INTS1: variants seen among roughly 807,000 people sequenced by gnomAD.
INTS1 encodes the protein integrator complex subunit 1.
In INTS1, 137 loss-of-function variants were observed where a neutral mutation model predicts 241.6. That is an observed-to-expected ratio of 0.57 (90% CI 0.49 to 0.65). The LOEUF (loss-of-function observed/expected upper bound fraction) is 0.65, where lower values mean the gene tolerates loss of function less well. Among genes scored for constraint, INTS1 ranks in the 30% least tolerant of loss-of-function variants. The pLI is 0.00. For missense variants in INTS1, 3,073 were observed against 3,032.2 expected (o/e 1.01, Z -0.32); for synonymous variants, 1,692 against 1,337.8 (o/e 1.26, Z -5.78).
At position 1,480,784 on chromosome 7, in the gene INTS1, C is replaced by A. The variant is rs1037089420; in HGVS notation, c.3949+51G>T. 1.8e-5 allele frequency: 26 copies of A among 1,430,096 alleles called. No individual in the cohort carries two copies. In the Admixed American group the frequency reaches 5.0e-4, roughly 27 times the overall value. 88.6% of individuals were successfully genotyped at this position (1,430,096 alleles called of 1,614,324 possible). On this transcript the variant is annotated intron_variant, in intron 29 of 47. Transcript: ENST00000404767. Reference sequence around the variant, plus strand: ...CCCAGGCTGGGTCTCTGTGTTGGCCCCACCCCTCCCCAGGCTGGGTCTCTG... The same window carrying A: ...CCCAGGCTGGGTCTCTGTGTTGGCCACACCCCTCCCCAGGCTGGGTCTCTG...
intron 20 of INTS1, 101 bp from the exon 21 acceptor site, chr7:1,487,202 G>C: frequency 4.0e-6 from 6 of 1,502,008 alleles, no homozygotes; most frequent in South Asian, 3.8e-5. Context: ...ACACGCAGCA[G>C]CCAGCTCATG....
Position 1,476,213 on chromosome 7 carries a change from C to CG in INTS1, c.5378+15dup. 1.9e-6 allele frequency: 3 copies of CG among 1,544,628 alleles called. No individual in the cohort carries two copies. Among genetic ancestry groups the CG allele is most frequent in the East Asian group, 2.4e-5 (1 of 40,960 alleles). On this transcript the variant is annotated intron_variant, in intron 38 of 47. Coordinates refer to ENST00000404767, the MANE Select transcript of INTS1 (RefSeq NM_001080453.3). ...CTCACTCCCAGGCAGCATCTGGGGC[C>CG]GGGGGGCCTGAGCACCTGTCTCCCC...
rs545871067 is a variant in INTS1 at position 1,470,972 on chromosome 7, C to T, written c.6348-17G>A. The T allele has an allele frequency of 6.5e-7, 1 of 1,545,982 alleles. No homozygotes were observed. The highest frequency in any genetic ancestry group is 2.4e-5 in the East Asian group (1 of 40,958). ...GCTGCAATGCTGAAAGACCCACACA[C>T]TTCAGTGGGAACCTCCACCCTGTGC... On this transcript the variant is annotated splice_polypyrimidine_tract_variant and intron_variant, in intron 46 of 47. Transcript: ENST00000404767.
intron 33 of INTS1, 62 bp downstream of exon 33, chr7:1,478,304 A>C: frequency 6.4e-7 from 1 of 1,574,080 alleles, no homozygotes; most frequent in East Asian, 2.3e-5. Context: ...AGCTAGAAGG[A>C]GCCTCAGGTT....
At position 1,481,100 on chromosome 7, in the gene INTS1, T is replaced by G. The variant is rs1781972554; in HGVS notation, c.3851-167A>C. The stretch of plus-strand genomic sequence containing the variant: ...CAGCACTGAGGCCCCAACAGCTCCC[T>G]CCAAGCTCAAAACACGGCCCTAGGG... On this transcript the variant is annotated intron_variant, in intron 28 of 47. Coordinates refer to ENST00000404767, the MANE Select transcript of INTS1 (RefSeq NM_001080453.3). This position sits in a 1 kb window ranked among gnomAD's most constrained non-coding sequence, Gnocchi z 6.8. 1.5e-6 allele frequency: 1 copy of G among 689,458 alleles called. No homozygotes were observed. Among genetic ancestry groups the G allele is most frequent in the Non-Finnish European group, 2.5e-6 (1 of 397,806 alleles). The allele number at this position is 689,458 out of a possible 1,614,324, so 42.7% of individuals were successfully genotyped here. A position where few individuals can be genotyped will look rare whatever the true frequency, so the allele number is the denominator to read the frequency against.
intron 31 of INTS1, among the ~76,000 whole-genome samples, chr7:1,479,130 G>GTAAACACAGACACCAAGT (rs1781873525): frequency 6.6e-6 from 1 of 152,256 alleles, no homozygotes; most frequent in African/African-American, 2.4e-5. Context: ...AAAGGAAAAA[G>GTAAACACAGACACCAAGT]TAAACACAGA....
chr7:1,474,206 G>T lies in INTS1; in HGVS notation c.5791C>A (p.Leu1931Met). 6.3e-7 allele frequency: 1 copy of T among 1,590,740 alleles called. No homozygotes were observed. ...HVFRSEHQGA[L>M]WDCLLSFIRL... ...ATGAAGGACAGAAGGCAGTCCCACAGCGCCCCCTGGTGCTCGCTGCGGAAC... is the reference window on the plus strand; with the variant it reads ...ATGAAGGACAGAAGGCAGTCCCACATCGCCCCCTGGTGCTCGCTGCGGAAC... Residue 1931 changes from leucine (L) to methionine (M), a missense_variant, in exon 41 of 48, where the codon CTG (leucine) becomes ATG (methionine). By Grantham distance (15) the Leu-to-Met change is conservative (BLOSUM62 2). Transcript: ENST00000404767.
chr7:1,499,850 T>G (rs1363521496), intron 5 of INTS1, 34 bp downstream of exon 5: 1 of 1,599,228 alleles, frequency 6.3e-7, no homozygotes. Flanking sequence ...CGTGGCGCTC[T>G]GCCATCTTCA....
chr7:1,483,616 C>T, intron 26 of INTS1, 126 bp downstream of exon 26: 1 of 744,212 alleles, frequency 1.3e-6, no homozygotes, highest in Non-Finnish European at 2.4e-6. Flanking sequence ...AGCCAGGACA[C>T]AGGGTTGAAG....
chr7:1,492,322 C>T (rs987427248), intron 16 of INTS1, among the ~76,000 whole-genome samples: 3 of 152,028 alleles, frequency 2.0e-5, no homozygotes, highest in African/African-American at 4.8e-5. Context: ...AGAGCATGCC[C>T]GGGGAAGGAG....
intron 13 of INTS1, among the ~76,000 whole-genome samples, chr7:1,495,232 G>A (rs536357817): frequency 8.5e-5 from 13 of 152,380 alleles, no homozygotes; most frequent in East Asian, 5.8e-4. Context: ...GGAGCCTAAC[G>A]GCTGCTGCTG....
chr7:1,495,446 C>T lies in INTS1; in HGVS notation c.1819G>A (p.Asp607Asn). 4 of 1,612,186 alleles carry T rather than the reference C, an allele frequency of 2.5e-6. No individual in the cohort carries two copies. Among genetic ancestry groups the T allele is most frequent in the Non-Finnish European group, 3.4e-6 (4 of 1,179,628 alleles). ...VPSISKLAPK[D>N]YVHCLHKVLF... is the part of the protein sequence containing the mutation. ...CCCCAGCCGCACCAGTGCACGTAGT[C>T]CTTAGGGGCGAGCTTGCTGATGGAG... Residue 607 changes from aspartate (D) to asparagine (N), a missense_variant, in exon 13 of 48, where the codon GAC (aspartate) becomes AAC (asparagine). Transcript: ENST00000404767.
chr7:1,483,866 A>G lies in INTS1; in HGVS notation c.3430-13T>C. ...CCTGAGACTCCGACTGTGGGAAAAGAGGTGGAGTCAGGCCGTAAGGTTCAG... is the reference window on the plus strand; with the variant it reads ...CCTGAGACTCCGACTGTGGGAAAAGGGGTGGAGTCAGGCCGTAAGGTTCAG... On this transcript the variant is annotated splice_polypyrimidine_tract_variant and intron_variant, in intron 25 of 47. Coordinates refer to ENST00000404767, the MANE Select transcript of INTS1 (RefSeq NM_001080453.3). 6.2e-7 allele frequency: 1 copy of G among 1,604,428 alleles called. No homozygotes were observed. Among genetic ancestry groups the G allele is most frequent in the Non-Finnish European group, 8.5e-7 (1 of 1,172,826 alleles).
At chr7:1,478,994 C>T in intron 31 of INTS1, 109 bp from the exon 32 acceptor site, 2 of 1,282,606 alleles carry the variant, frequency 1.6e-6, no homozygotes, top group Middle Eastern at 2.5e-4. Context: ...CCGCGACCGG[C>T]ACTTGGAGCC....
Position 1,478,483 on chromosome 7 carries a change from C to A in INTS1, c.4513G>T (p.Ala1505Ser). ...SDVRGGLLRL[A>S]EALAFRQDLE... ...TCCTGACGGAAGGCCAGGGCCTCGG[C>A]CAGGCGCAGGAGCCCCCCTCGCACT... is the stretch of plus-strand genomic sequence containing the variant. Residue 1505 changes from alanine to serine, a missense_variant, in exon 33 of 48, where the codon GCC (alanine) becomes TCC (serine). Physicochemically the swap from Ala to Ser is moderately conservative, Grantham distance 99. Coordinates refer to ENST00000404767, the MANE Select transcript of INTS1 (RefSeq NM_001080453.3). 1 of 1,611,594 alleles carries A rather than the reference C, an allele frequency of 6.2e-7. No homozygotes were observed. Among genetic ancestry groups the A allele is most frequent in the Non-Finnish European group, 8.5e-7 (1 of 1,179,630 alleles).
chr7:1,487,950 A>C lies in INTS1; in HGVS notation c.2326T>G (p.Ser776Ala), dbSNP rs1417829066. ...LMEMVMTNNY[S>A]YPPCTLTDEE... is the part of the protein sequence containing the mutation. ...TCCGTCAGGGTGCACGGTGGGTAGGAGTAGTTGCTAGGGCCAGACGGGGGA... is the reference window on the plus strand; with the variant it reads ...TCCGTCAGGGTGCACGGTGGGTAGGCGTAGTTGCTAGGGCCAGACGGGGGA... The change falls in exon 19 of 48, where the codon TCC (serine) becomes GCC (alanine). Residue 776 changes from serine (S) to alanine (A), a missense_variant. Transcript: ENST00000404767. 3.1e-6 allele frequency: 5 copies of C among 1,612,954 alleles called. No individual in the cohort carries two copies. In the Admixed American group the frequency reaches 6.7e-5, roughly 22 times the overall value.
intron 22 of INTS1, 140 bp downstream of exon 22, chr7:1,486,485 C>T (rs904343265): frequency 2.9e-5 from 27 of 929,024 alleles, no homozygotes; most frequent in Non-Finnish European, 3.8e-5. Flanking sequence ...GGCTGGTCTC[C>T]AACTCCTGAC....
chr7:1,499,713 C>A lies in INTS1; in HGVS notation c.685-81G>T, dbSNP rs1255133182. The A allele has an allele frequency of 2.1e-5, 32 of 1,505,882 alleles. No individual in the cohort carries two copies. In the Admixed American group the frequency reaches 6.7e-4, roughly 31 times the overall value. 93.3% of individuals were successfully genotyped at this position (1,505,882 alleles called of 1,614,324 possible). The stretch of plus-strand genomic sequence containing the variant: ...GGAACACCCGCCTGCTGCCCGGGGA[C>A]TGGGTGCCCAGGCGGCCCTCTCCAG... On this transcript the variant is annotated intron_variant, in intron 5 of 47. Transcript: ENST00000404767.
rs183622155 is a variant in INTS1 at position 1,475,615 on chromosome 7, C to T, written c.5502+333G>A. Reference sequence around the variant, plus strand: ...GCAGCCGTCCGCCAAGACCCGGGCACGAGTCCCCAGCAGCTGTCACTGCCC... The same window carrying T: ...GCAGCCGTCCGCCAAGACCCGGGCATGAGTCCCCAGCAGCTGTCACTGCCC... On this transcript the variant is annotated intron_variant, in intron 39 of 47. Transcript: ENST00000404767. 5.0e-3 allele frequency among the ~76,000 whole-genome samples: 760 copies of T among 152,270 alleles called. 2 individuals carry two copies. Among genetic ancestry groups the T allele is most frequent in the Admixed American group, 8.2e-3 (125 of 15,298 alleles).
Sources: gnomAD v4.1 joint callset for allele counts (sites outside exome capture counted in the v4.1 genomes callset) on GRCh38, gnomAD v4.1.1 for gene constraint, Gnocchi (gnomAD v3.1) non-coding constraint, MANE v1.5 for transcripts, NCBI Gene and HGNC (gene_info 2026-07-23, HGNC 2026-07-21) for gene names.